The following TNC variants were observed in gnomAD, a reference collection of about 807,000 sequenced individuals.
The protein encoded by TNC is tenascin C.
Under a neutral mutation model 202.4 loss-of-function variants are expected in TNC, and 109 were observed. The ratio of observed to expected loss-of-function variants is 0.54; its 90% CI spans 0.46 to 0.63. The LOEUF is 0.63. TNC is among the 30% of genes least tolerant of loss of function. TNC has a pLI of 0.00. For missense variants in TNC, 2,756 were observed against 2,833.3 expected (o/e 0.97, Z 0.62); for synonymous variants, 1,007 against 1,089.7 (o/e 0.92, Z 1.50).
intron 16 of TNC, among the ~76,000 whole-genome samples, chr9:115,047,705 G>A (rs570279105): frequency 1.3e-5 from 2 of 152,212 alleles, no homozygotes; most frequent in East Asian, 1.9e-4. Context: ...TGACTATTCC[G>A]TTGTTAATTT....
chr9:115,106,514 A>G (rs1197613522), intron 1 of TNC, among the ~76,000 whole-genome samples: 1 of 152,200 alleles, frequency 6.6e-6, no homozygotes, highest in Non-Finnish European at 1.5e-5. Context: ...GGGTTTACAT[A>G]ACTATTTTAT....
intron 27 of TNC, among the ~76,000 whole-genome samples, chr9:115,021,723 A>G (rs1829087078): frequency 6.6e-6 from 1 of 152,244 alleles, no homozygotes; most frequent in Non-Finnish European, 1.5e-5. Flanking sequence ...TAGCAGAACG[A>G]ACAGCTCAAC....
chr9:115,068,115 G>A (rs938404244), intron 10 of TNC, among the ~76,000 whole-genome samples: 1 of 152,202 alleles, frequency 6.6e-6, no homozygotes, highest in Non-Finnish European at 1.5e-5. Context: ...TCACATAAAT[G>A]CTGGCTCCAC....
At position 115,048,540 on chromosome 9, in the gene TNC, A is replaced by T. The variant is rs1308375833; in HGVS notation, c.4580-8T>A. The T allele has an allele frequency of 1.2e-6, 2 of 1,606,448 alleles. No homozygotes were observed. The highest frequency in any genetic ancestry group is 1.7e-5 in the Admixed American group (1 of 59,506). ...CCAGAAGGGGCAGGGCCTCTGAAAG[A>T]AGGGAGGAGTGAAAATAACTCAGGT... On this transcript the variant is annotated splice_region_variant and splice_polypyrimidine_tract_variant and intron_variant, in intron 15 of 27. Transcript: ENST00000350763.
At chr9:115,063,242 G>C in intron 12 of TNC, 53 bp from the exon 13 acceptor site, 1 of 1,589,148 alleles carries the variant, frequency 6.3e-7, no homozygotes, top group Non-Finnish European at 8.6e-7. Flanking sequence ...TTGCACGCTG[G>C]GATTCAGGTG....
intron 6 of TNC, among the ~76,000 whole-genome samples, chr9:115,079,246 T>C (rs759544144): frequency 2.0e-5 from 3 of 151,918 alleles, no homozygotes; most frequent in Non-Finnish European, 2.9e-5. Flanking sequence ...TTTTTAAATG[T>C]GTTTTCAGCA....
intron 10 of TNC, among the ~76,000 whole-genome samples, chr9:115,071,895 C>T (rs1480914596): frequency 6.6e-6 from 1 of 151,956 alleles, no homozygotes; most frequent in African/African-American, 2.4e-5. Flanking sequence ...TGGTTCTATC[C>T]CCGCCCCCCA....
chr9:115,058,532 G>C (rs1489396176), intron 14 of TNC, among the ~76,000 whole-genome samples: 1 of 152,184 alleles, frequency 6.6e-6, no homozygotes, highest in Non-Finnish European at 1.5e-5. Flanking sequence ...TCAGAAAAAG[G>C]AGGTCCGGGT....
chr9:115,052,099 T>C (rs1446239109), intron 15 of TNC, among the ~76,000 whole-genome samples: 5 of 149,728 alleles, frequency 3.3e-5, no homozygotes, highest in Admixed American at 6.7e-5. Context: ...TATATACACA[T>C]ATATATATAA....
At chr9:115,075,933 G>A in intron 9 of TNC, 99 bp downstream of exon 9, 3 of 1,046,912 alleles carry the variant, frequency 2.9e-6, no homozygotes, top group South Asian at 2.6e-5. Context: ...TTTCCTCCAG[G>A]CTTCTACTTT....
intron 19 of TNC, among the ~76,000 whole-genome samples, chr9:115,039,790 A>C (rs1042199332): frequency 1.5e-4 from 23 of 152,228 alleles, no homozygotes; most frequent in African/African-American, 5.5e-4. Flanking sequence ...TGGTGATGAC[A>C]ATGGGGCATT....
intron 15 of TNC, among the ~76,000 whole-genome samples, chr9:115,049,677 A>AT (rs34181707): frequency 4.9e-4 from 72 of 146,600 alleles, no homozygotes; most frequent in South Asian, 2.8e-3. Context: ...TGGTAAATGC[A>AT]TTTTTTTTTT....
chr9:115,063,286 T>C lies in TNC; in HGVS notation c.3761-97A>G, dbSNP rs181128920. ...TTTTGGCTAAGGTTGGGATGAGTTG[T>C]CTGGTTAGTGTTGATTATAGATGCA... On this transcript the variant is annotated intron_variant, in intron 12 of 27. Coordinates refer to ENST00000350763, the MANE Select transcript of TNC (RefSeq NM_002160.4). 5.8e-4 allele frequency: 787 copies of C among 1,347,620 alleles called. 4 individuals are homozygous for C. In the African/African-American group the frequency reaches 7.6e-3, roughly 13 times the overall value. 83.5% of individuals were successfully genotyped at this position (1,347,620 alleles called of 1,614,324 possible).
At chr9:115,066,814 G>A (rs955926014) in intron 10 of TNC, among the ~76,000 whole-genome samples, 2 of 152,200 alleles carry the variant, frequency 1.3e-5, no homozygotes, top group Non-Finnish European at 2.9e-5. Flanking sequence ...TTGGAGCATA[G>A]CCATGCTTGT....
intron 10 of TNC, 123 bp downstream of exon 10, chr9:115,073,480 T>G (rs901636035): frequency 1.7e-6 from 2 of 1,208,536 alleles, no homozygotes; most frequent in African/African-American, 3.0e-5. Context: ...TTCAGGGGCT[T>G]CAGAGATGGA....
In TNC at chr9:115,064,042, C is replaced by G. The variant is rs772710380; in HGVS notation, c.3514G>C (p.Val1172Leu). 9.9e-6 allele frequency: 16 copies of G among 1,609,896 alleles called. No homozygotes were observed. The African/African-American group carries it at 2.0e-4, about 20-fold the overall frequency. Residue 1172 changes from valine (V) to leucine (L), a missense_variant, in exon 12 of 28, where the codon GTG (valine) becomes CTG (leucine). By Grantham distance (32) the Val-to-Leu change is conservative (BLOSUM62 1). Coordinates refer to ENST00000350763, the MANE Select transcript of TNC (RefSeq NM_002160.4). ...GCATCCCAGCCCACCTCGGCCACCA[C>G]GACCTCTCCCAAATTGGGAGTTTCC... The part of the protein sequence containing the change: ...TGETPNLGEV[V>L]VAEVGWDALK...
chr9:115,046,386 T>C (rs766713857), intron 17 of TNC, 24 bp downstream of exon 17: 1 of 1,611,916 alleles, frequency 6.2e-7, no homozygotes, highest in Non-Finnish European at 8.5e-7. Flanking sequence ...CTTTTCTCTG[T>C]TCTCTCCTGT....
At chr9:115,099,344 A>G (rs974667332) in intron 1 of TNC, among the ~76,000 whole-genome samples, 3 of 152,210 alleles carry the variant, frequency 2.0e-5, no homozygotes, top group Admixed American at 6.5e-5. Flanking sequence ...ACATGTAAAC[A>G]GATACTTGTT....
At chr9:115,107,755 GT>G (rs1836727558) in intron 1 of TNC, among the ~76,000 whole-genome samples, 1 of 152,080 alleles carries the variant, frequency 6.6e-6, no homozygotes, top group Non-Finnish European at 1.5e-5. Context: ...TTCAGATAAG[GT>G]AAAAACTTAA....
Sources: gnomAD v4.1 joint callset for allele counts (sites outside exome capture counted in the v4.1 genomes callset) on GRCh38, gnomAD v4.1.1 for gene constraint, MANE v1.5 for transcripts, NCBI Gene and HGNC (gene_info 2026-07-23, HGNC 2026-07-21) for gene names.